MED13L: variants seen among roughly 807,000 people sequenced by gnomAD.
MED13L encodes mediator complex subunit 13L, also known as mediator of RNA polymerase II transcription subunit 13-like.
A neutral mutation model predicts 220.9 loss-of-function variants in MED13L; 7 were observed. The ratio of observed to expected loss-of-function variants is 0.03; its 90% CI spans 0.02 to 0.06. MED13L has a LOEUF of 0.06. Among genes scored for constraint, MED13L ranks in the 10% least tolerant of loss-of-function variants. MED13L has a pLI of 1.00. For missense variants in MED13L, 1,965 were observed against 2,760.5 expected, an observed-to-expected ratio of 0.71 and a Z score of 6.46; for synonymous variants, 1,011 against 1,015.2, an observed-to-expected ratio of 1.00 and a Z score of 0.08.
intron 4 of MED13L, among the ~76,000 whole-genome samples, chr12:116,034,834 T>C (rs1040089580): frequency 1.6e-4 from 25 of 152,028 alleles, no homozygotes; most frequent in African/African-American, 5.6e-4. Context: ...GGTGTAACCC[T>C]GTCTCTACTA....
chr12:116,106,952 G>C lies in MED13L; in HGVS notation c.395+4476C>G, dbSNP rs369545066. ...AATGTTTGTCTCCCACTCTGAAAAG[G>C]TAATACCAATACTTCTGTTAGCTAG... On this transcript the variant is annotated intron_variant, in intron 3 of 30. Coordinates refer to ENST00000281928, the MANE Select transcript of MED13L (RefSeq NM_015335.5). Among the ~76,000 whole-genome samples the C allele has an allele frequency of 3.3e-5, 5 of 152,038 alleles. No individual in the cohort carries two copies. The East Asian group carries it at 7.7e-4, about 23-fold the overall frequency.
At chr12:116,076,498 T>A (rs1327042200) in intron 4 of MED13L, among the ~76,000 whole-genome samples, 1 of 152,038 alleles carries the variant, frequency 6.6e-6, no homozygotes, top group Non-Finnish European at 1.5e-5. Flanking sequence ...CATCACACTA[T>A]TGCACTCCAG....
chr12:116,062,008 G>GA (rs71095507), intron 4 of MED13L, among the ~76,000 whole-genome samples: 34 of 96,592 alleles, frequency 3.5e-4, no homozygotes, highest in South Asian at 7.5e-4. Flanking sequence ...ACTCCACATC[G>GA]AAAAAAAAAA....
At chr12:116,088,186 C>T (rs1305122533) in intron 4 of MED13L, among the ~76,000 whole-genome samples, 1 of 152,098 alleles carries the variant, frequency 6.6e-6, no homozygotes, top group Non-Finnish European at 1.5e-5. Flanking sequence ...CAGTTTGTAG[C>T]ATAGGGCAGA....
chr12:116,154,706 T>C (rs969858033), intron 2 of MED13L, among the ~76,000 whole-genome samples: 1 of 152,222 alleles, frequency 6.6e-6, no homozygotes, highest in African/African-American at 2.4e-5. Context: ...TCTTAACTTT[T>C]ACTTTTTAAA....
intron 2 of MED13L, chr12:116,181,068 T>TAC (rs1225952108): frequency 6.6e-6 from 1 of 151,814 alleles, no homozygotes; most frequent in East Asian, 1.9e-4. Flanking sequence ...GTAGCTGGGA[T>TAC]TATAGGTACA....
At chr12:116,155,876 A>G (rs573977710) in intron 2 of MED13L, among the ~76,000 whole-genome samples, 1 of 152,334 alleles carries the variant, frequency 6.6e-6, no homozygotes. Context: ...TTAATAAAAT[A>G]ATCAGATACA....
At chr12:116,259,425 T>C (rs1264543955) in intron 1 of MED13L, among the ~76,000 whole-genome samples, 1 of 152,102 alleles carries the variant, frequency 6.6e-6, no homozygotes, top group Non-Finnish European at 1.5e-5. Context: ...GATTCAATAT[T>C]AAAAGTCCAA....
intron 2 of MED13L, among the ~76,000 whole-genome samples, chr12:116,160,757 A>ATT (rs112094891): frequency 6.4e-5 from 9 of 140,332 alleles, no homozygotes; most frequent in Non-Finnish European, 7.8e-5. Context: ...TTTATTTTTT[A>ATT]TTTTTTTTTT....
At chr12:116,192,328 G>T (rs1881339658) in intron 2 of MED13L, among the ~76,000 whole-genome samples, 1 of 152,154 alleles carries the variant, frequency 6.6e-6, no homozygotes, top group African/African-American at 2.4e-5. Flanking sequence ...AGTTATATTT[G>T]TTTTGAAGAA....
chr12:116,074,297 A>T (rs1421189913), intron 4 of MED13L, among the ~76,000 whole-genome samples: 1 of 152,196 alleles, frequency 6.6e-6, no homozygotes, highest in Admixed American at 6.5e-5. Flanking sequence ...TGGGAGGCTG[A>T]AGCAGGAGAA....
At chr12:116,097,266 C>T (rs1872703452) in intron 3 of MED13L, among the ~76,000 whole-genome samples, 1 of 152,050 alleles carries the variant, frequency 6.6e-6, no homozygotes, top group South Asian at 2.1e-4. Flanking sequence ...CTGTCTCAAT[C>T]TCCCAGGTAG....
intron 2 of MED13L, among the ~76,000 whole-genome samples, chr12:116,127,650 T>C (rs986607183): frequency 6.6e-5 from 10 of 152,180 alleles, no homozygotes; most frequent in African/African-American, 1.7e-4. Context: ...TACTAACACT[T>C]TGTAAAGTAC....
intron 4 of MED13L, among the ~76,000 whole-genome samples, chr12:116,056,037 A>G (rs1017317872): frequency 6.6e-6 from 1 of 152,196 alleles, no homozygotes; most frequent in East Asian, 1.9e-4. Flanking sequence ...TAAGCAGAAG[A>G]GGATTAAAAG....
At chr12:116,020,064 T>C in intron 5 of MED13L, 92 bp from the exon 6 acceptor site, 6 of 1,112,860 alleles carry the variant, frequency 5.4e-6, no homozygotes, top group Non-Finnish European at 8.1e-6. Flanking sequence ...TAGGTTACAG[T>C]ATCACTTAAT....
intron 2 of MED13L, among the ~76,000 whole-genome samples, chr12:116,131,217 A>C (rs1418692528): frequency 6.6e-6 from 1 of 152,216 alleles, no homozygotes; most frequent in Admixed American, 6.5e-5. Context: ...TTTGGAGAGA[A>C]AGGAAGGATT....
intron 2 of MED13L, among the ~76,000 whole-genome samples, chr12:116,133,272 C>A (rs1328453949): frequency 6.6e-6 from 1 of 152,186 alleles, no homozygotes; most frequent in Non-Finnish European, 1.5e-5. Flanking sequence ...TCACAAAACA[C>A]AGTACTTTCT....
intron 3 of MED13L, among the ~76,000 whole-genome samples, chr12:116,098,514 C>T (rs1872803785): frequency 6.6e-6 from 1 of 152,138 alleles, no homozygotes; most frequent in Non-Finnish European, 1.5e-5. Context: ...GTAATTTCCA[C>T]ACCATCAAAG....
intron 1 of MED13L, among the ~76,000 whole-genome samples, chr12:116,257,694 C>A (rs1450563803): frequency 6.6e-6 from 1 of 152,058 alleles, no homozygotes; most frequent in African/African-American, 2.4e-5. Flanking sequence ...GATACTAAAT[C>A]ATTTTGACAT....
Sources: gnomAD v4.1 joint callset for allele counts (sites outside exome capture counted in the v4.1 genomes callset) on GRCh38, gnomAD v4.1.1 for gene constraint, MANE v1.5 for transcripts, NCBI Gene and HGNC (gene_info 2026-07-23, HGNC 2026-07-21) for gene names.